The following ETFA variants were observed in gnomAD, a reference collection of about 807,000 sequenced individuals.
ETFA encodes the protein electron transfer flavoprotein subunit alpha.
Under a neutral mutation model 46.2 loss-of-function variants are expected in ETFA, and 22 were observed. The ratio of observed to expected loss-of-function variants is 0.48; its 90% CI spans 0.34 to 0.68. The LOEUF is 0.68. Ranked by LOEUF, ETFA falls within the 30% of genes least tolerant of loss-of-function variation. The pLI, the probability that ETFA is intolerant of heterozygous loss-of-function variation, is 0.01. For synonymous variants in ETFA, 131 were observed against 139.9 expected (o/e 0.94, Z 0.45); for missense variants, 345 against 401.1 (o/e 0.86, Z 1.19).
intron 9 of ETFA, among the ~76,000 whole-genome samples, chr15:76,244,668 A>G (rs2039227582): frequency 6.6e-6 from 1 of 152,240 alleles, no homozygotes; most frequent in East Asian, 1.9e-4. Flanking sequence ...TTATAGGAAA[A>G]AAAAAAAACA....
At chr15:76,298,022 T>G (rs1369492147) in intron 1 of ETFA, among the ~76,000 whole-genome samples, 1 of 151,880 alleles carries the variant, frequency 6.6e-6, no homozygotes. Flanking sequence ...TCTGCAAATT[T>G]AGGAGGATGA....
intron 9 of ETFA, among the ~76,000 whole-genome samples, chr15:76,232,159 C>A (rs2039075203): frequency 6.6e-6 from 1 of 152,128 alleles, no homozygotes; most frequent in African/African-American, 2.4e-5. Flanking sequence ...TGCCCCTCTG[C>A]CCTCAATAAT....
intron 11 of ETFA, among the ~76,000 whole-genome samples, chr15:76,217,096 C>T (rs565292040): frequency 1.3e-5 from 2 of 152,118 alleles, no homozygotes; most frequent in South Asian, 2.1e-4. Context: ...AGATTACAGG[C>T]GTGAACCACT....
At chr15:76,254,762 T>C (rs2039333192) in intron 9 of ETFA, among the ~76,000 whole-genome samples, 1 of 152,218 alleles carries the variant, frequency 6.6e-6, no homozygotes, top group South Asian at 2.1e-4. Flanking sequence ...TAAAAGTTTT[T>C]AAGGTAGTTG....
chr15:76,294,105 T>G (rs948047136), intron 2 of ETFA, among the ~76,000 whole-genome samples: 1 of 152,354 alleles, frequency 6.6e-6, no homozygotes, highest in Admixed American at 6.5e-5. Context: ...ACTGGTTGTT[T>G]TCTTTAAAAT....
chr15:76,223,196 T>C (rs1233126059), intron 11 of ETFA, among the ~76,000 whole-genome samples: 1 of 150,434 alleles, frequency 6.6e-6, no homozygotes, highest in Non-Finnish European at 1.5e-5. Context: ...ATCAAATACA[T>C]ATATAACTGT....
chr15:76,261,221 C>T (rs979035693), intron 9 of ETFA: 2 of 1,561,158 alleles, frequency 1.3e-6, no homozygotes, highest in Non-Finnish European at 1.8e-6. Context: ...GGGGGACCCA[C>T]AGCCTTGCAA....
At chr15:76,281,944 C>T (rs1169150058) in intron 8 of ETFA, among the ~76,000 whole-genome samples, 1 of 122,734 alleles carries the variant, frequency 8.1e-6, no homozygotes, top group Non-Finnish European at 1.6e-5. Flanking sequence ...CACTCTGTTA[C>T]CCAGGCTGGA....
At chr15:76,291,695 G>C (rs1368246125) in intron 4 of ETFA, among the ~76,000 whole-genome samples, 2 of 150,890 alleles carry the variant, frequency 1.3e-5, no homozygotes, top group African/African-American at 2.4e-5. Flanking sequence ...AGCCTGCAGT[G>C]AGCCGAGATG....
At chr15:76,254,983 AT>A (rs1001356287) in intron 9 of ETFA, among the ~76,000 whole-genome samples, 1 of 152,124 alleles carries the variant, frequency 6.6e-6, no homozygotes, top group African/African-American at 2.4e-5. Flanking sequence ...TAACATTTAC[AT>A]TTTTTTAAAC....
intron 1 of ETFA, among the ~76,000 whole-genome samples, chr15:76,298,170 G>A (rs2039845421): frequency 6.6e-6 from 1 of 152,036 alleles, no homozygotes. Context: ...AGCCTGCCAG[G>A]TAGCTGGGAT....
At chr15:76,244,263 CCTT>C (rs1486359004) in intron 9 of ETFA, among the ~76,000 whole-genome samples, 2 of 152,112 alleles carry the variant, frequency 1.3e-5, no homozygotes, top group African/African-American at 4.8e-5. Flanking sequence ...CATTTAAGCA[CCTT>C]CTAAAATTGT....
intron 9 of ETFA, 182 bp downstream of exon 9, chr15:76,274,230 G>A (rs2039570759): frequency 4.9e-6 from 3 of 607,074 alleles, no homozygotes; most frequent in Admixed American, 2.6e-5. Flanking sequence ...TTTAAGAACT[G>A]CTGGGCATTT....
chr15:76,291,730 G>A (rs897605879), intron 4 of ETFA, among the ~76,000 whole-genome samples: 3 of 151,880 alleles, frequency 2.0e-5, no homozygotes, highest in Admixed American at 6.6e-5. Flanking sequence ...CAACCTGGGC[G>A]ACAGTGAGAC....
intron 9 of ETFA, among the ~76,000 whole-genome samples, chr15:76,265,599 T>C (rs550479413): frequency 6.6e-6 from 1 of 152,314 alleles, no homozygotes; most frequent in Non-Finnish European, 1.5e-5. Flanking sequence ...ATCGTTGGCG[T>C]AGGGACTGCC....
intron 9 of ETFA, among the ~76,000 whole-genome samples, chr15:76,245,498 T>C (rs1043197592): frequency 2.6e-5 from 4 of 152,228 alleles, no homozygotes; most frequent in African/African-American, 9.6e-5. Context: ...ATAAAGTTTG[T>C]TCCTACACAG....
At chr15:76,260,747 T>C (rs2039402066) in intron 9 of ETFA, 1 of 1,605,650 alleles carries the variant, frequency 6.2e-7, no homozygotes, top group African/African-American at 1.3e-5. Flanking sequence ...TGGCTGGGGC[T>C]AGACCCTTGG....
intron 9 of ETFA, among the ~76,000 whole-genome samples, chr15:76,263,781 G>T (rs2039443622): frequency 6.6e-6 from 1 of 152,168 alleles, no homozygotes; most frequent in Non-Finnish European, 1.5e-5. Context: ...GGAAGAGGAG[G>T]ACGAGTGTAA....
At chr15:76,237,040 A>T (rs1393044793) in intron 9 of ETFA, among the ~76,000 whole-genome samples, 1 of 152,216 alleles carries the variant, frequency 6.6e-6, no homozygotes. Flanking sequence ...GGATGCAGCT[A>T]GAGTGGTATT....
Sources: gnomAD v4.1 joint callset for allele counts (sites outside exome capture counted in the v4.1 genomes callset) on GRCh38, gnomAD v4.1.1 for gene constraint, MANE v1.5 for transcripts, NCBI Gene and HGNC (gene_info 2026-07-23, HGNC 2026-07-21) for gene names.